The following FRMD4A variants were observed in gnomAD, a reference collection of about 807,000 sequenced individuals.
FRMD4A encodes FERM domain containing 4A, also known as FERM domain-containing protein 4A.
FRMD4A carries 29 observed loss-of-function variants against 129.1 expected under a neutral mutation model. The ratio of observed to expected loss-of-function variants is 0.22; its 90% confidence interval spans 0.17 to 0.31. The LOEUF is 0.31. Ranked by LOEUF, FRMD4A falls within the 10% of genes least tolerant of loss-of-function variation. FRMD4A has a pLI of 1.00. For missense variants in FRMD4A, 1,272 were observed against 1,375.8 expected (o/e 0.92, Z 1.19); for synonymous variants, 634 against 571.6 (o/e 1.11, Z -1.56).
At chr10:13,967,822 G>T (rs547516664) in intron 2 of FRMD4A, among the ~76,000 whole-genome samples, 10 of 152,370 alleles carry the variant, frequency 6.6e-5, no homozygotes, top group Admixed American at 6.5e-4. Context: ...GGGGCAGGCA[G>T]ATGGCGTGAG....
chr10:14,091,642 C>A (rs544371062), intron 2 of FRMD4A, among the ~76,000 whole-genome samples: 7 of 152,282 alleles, frequency 4.6e-5, no homozygotes, highest in African/African-American at 1.7e-4. Context: ...ACCATGTTGA[C>A]CAGGATGGTC....
intron 8 of FRMD4A, among the ~76,000 whole-genome samples, chr10:13,754,140 C>T (rs1434722069): frequency 6.6e-6 from 1 of 152,068 alleles, no homozygotes; most frequent in African/African-American, 2.4e-5. Context: ...AGCCATGAAA[C>T]GTTTTGCTGT....
At chr10:13,905,385 T>C (rs1477305013) in intron 2 of FRMD4A, among the ~76,000 whole-genome samples, 1 of 152,176 alleles carries the variant, frequency 6.6e-6, no homozygotes, top group African/African-American at 2.4e-5. Context: ...AACTTCTTTG[T>C]GTGGTTTTGG....
intron 9 of FRMD4A, 118 bp downstream of exon 9, chr10:13,747,618 C>T: frequency 3.4e-6 from 2 of 595,106 alleles, no homozygotes; most frequent in East Asian, 5.4e-5. Flanking sequence ...GTACTTAATA[C>T]AGCTGCAAGT....
At chr10:14,076,178 A>G (rs967878353) in intron 2 of FRMD4A, among the ~76,000 whole-genome samples, 3 of 152,198 alleles carry the variant, frequency 2.0e-5, no homozygotes, top group Non-Finnish European at 4.4e-5. Context: ...CAGCTATGTC[A>G]TGAAGACCTG....
chr10:14,125,942 C>T (rs1465711069), intron 2 of FRMD4A, among the ~76,000 whole-genome samples: 5 of 152,140 alleles, frequency 3.3e-5, no homozygotes, highest in Non-Finnish European at 7.3e-5. Context: ...AAACAAAAGG[C>T]TGAGATGAGC....
At chr10:14,272,380 G>A (rs1047730860) in intron 2 of FRMD4A, among the ~76,000 whole-genome samples, 1 of 152,088 alleles carries the variant, frequency 6.6e-6, no homozygotes, top group Non-Finnish European at 1.5e-5. Flanking sequence ...ACGGTCATGG[G>A]GTGAGGGCTA....
At chr10:14,157,559 A>G (rs1238761870) in intron 2 of FRMD4A, among the ~76,000 whole-genome samples, 9 of 152,146 alleles carry the variant, frequency 5.9e-5, no homozygotes. Context: ...AACTCGGCAA[A>G]TGTCATCATT....
At chr10:13,835,132 G>C (rs558714350) in intron 3 of FRMD4A, among the ~76,000 whole-genome samples, 1 of 152,286 alleles carries the variant, frequency 6.6e-6, no homozygotes, top group South Asian at 2.1e-4. Flanking sequence ...AAGTGTAATG[G>C]TTAAGAGGAG....
chr10:13,987,527 G>A (rs970586421), intron 2 of FRMD4A, among the ~76,000 whole-genome samples: 3 of 152,072 alleles, frequency 2.0e-5, no homozygotes, highest in African/African-American at 4.8e-5. Context: ...TTCGCCCAAC[G>A]TCAGGAACCA....
At chr10:14,278,172 C>T (rs1392720085) in intron 2 of FRMD4A, among the ~76,000 whole-genome samples, 1 of 152,112 alleles carries the variant, frequency 6.6e-6, no homozygotes. Context: ...AGAGCTCTAC[C>T]GTGTTGGTTC....
chr10:13,795,237 T>G (rs534319220), intron 5 of FRMD4A, among the ~76,000 whole-genome samples: 55 of 152,358 alleles, frequency 3.6e-4, no homozygotes, highest in African/African-American at 1.3e-3. Flanking sequence ...ATTTGCTTTA[T>G]ATGGTTGCTT....
intron 2 of FRMD4A, among the ~76,000 whole-genome samples, chr10:14,146,125 A>G (rs994411978): frequency 4.6e-5 from 7 of 152,190 alleles, no homozygotes; most frequent in Admixed American, 1.3e-4. Context: ...TGAGGAGAGT[A>G]AAAGGACTCT....
At chr10:13,696,237 GC>G (rs1331153804) in intron 14 of FRMD4A, among the ~76,000 whole-genome samples, 1 of 152,210 alleles carries the variant, frequency 6.6e-6, no homozygotes, top group Non-Finnish European at 1.5e-5. Context: ...TTTTGACACA[GC>G]CTATCATTTG....
chr10:14,170,860 C>T (rs1326911331), intron 2 of FRMD4A, among the ~76,000 whole-genome samples: 3 of 152,058 alleles, frequency 2.0e-5, no homozygotes, highest in African/African-American at 7.2e-5. Flanking sequence ...CCCTCCCTTC[C>T]TCTCCACCTT....
At chr10:14,212,722 C>G (rs1842966026) in intron 2 of FRMD4A, among the ~76,000 whole-genome samples, 1 of 152,166 alleles carries the variant, frequency 6.6e-6, no homozygotes, top group Admixed American at 6.5e-5. Flanking sequence ...TACCTTAATG[C>G]CTTTGGAATG....
At chr10:13,853,354 C>T (rs913522701) in intron 3 of FRMD4A, among the ~76,000 whole-genome samples, 1 of 152,176 alleles carries the variant, frequency 6.6e-6, no homozygotes, top group Non-Finnish European at 1.5e-5. Flanking sequence ...GGAGACCAGC[C>T]TGGGCAGCAG....
intron 3 of FRMD4A, among the ~76,000 whole-genome samples, chr10:13,851,798 G>T (rs963396736): frequency 1.3e-5 from 2 of 151,870 alleles, no homozygotes; most frequent in African/African-American, 4.8e-5. Context: ...CACTCAGGAG[G>T]CTGAGGCAGG....
At chr10:14,033,754 C>T (rs545779363) in intron 2 of FRMD4A, among the ~76,000 whole-genome samples, 2 of 149,240 alleles carry the variant, frequency 1.3e-5, no homozygotes, top group Admixed American at 1.3e-4. Flanking sequence ...CATTGCCCTC[C>T]AGCCTGAGCA....
Sources: gnomAD v4.1 joint callset for allele counts (sites outside exome capture counted in the v4.1 genomes callset) on GRCh38, gnomAD v4.1.1 for gene constraint, MANE v1.5 for transcripts, NCBI Gene and HGNC (gene_info 2026-07-23, HGNC 2026-07-21) for gene names.